The following CCDC148 variants were observed in gnomAD, a reference collection of about 807,000 sequenced individuals.
CCDC148 encodes the protein coiled-coil domain containing 148, also known as coiled-coil domain-containing protein 148.
Under a neutral mutation model 85.7 loss-of-function variants are expected in CCDC148, and 89 were observed. The observed-to-expected ratio is 1.04, with a 90% CI of 0.87 to 1.24. The LOEUF is 1.24. Among genes scored for constraint, CCDC148 ranks in the 50% most tolerant of loss-of-function variants. The pLI is 0.00. For missense variants in CCDC148, 692 were observed against 671.7 expected (o/e 1.03, Z -0.33); for synonymous variants, 230 against 213.9 (o/e 1.08, Z -0.66).
chr2:158,450,538 G>A lies in CCDC148; in HGVS notation c.25+5877C>T, dbSNP rs188415257. On this transcript the variant is annotated intron_variant, in intron 1 of 13. Coordinates refer to ENST00000283233, the MANE Select transcript of CCDC148 (RefSeq NM_138803.4). ...CACTTCCAACATAGGTCCACTTACG[G>A]TAAGTGTCACCTTCATTTTGAAGAA... Among the ~76,000 whole-genome samples, 17 of 152,308 alleles carry A rather than the reference G, an allele frequency of 1.1e-4. No individual in the cohort carries two copies. The East Asian group carries it at 3.1e-3, about 28-fold the overall frequency.
rs369780386 is a variant in CCDC148 at position 158,358,565 on chromosome 2, G to T, written c.31C>A (p.Leu11Met). The change falls in exon 2 of 14, where the codon CTG becomes ATG. Residue 11 changes from leucine to methionine, a missense_variant. Leu to Met is a conservative substitution (Grantham distance 15, BLOSUM62 2). Coordinates refer to ENST00000283233, the MANE Select transcript of CCDC148 (RefSeq NM_138803.4). ...ATCTCATTTTTCATATGGAATACCA[G>T]ATTATCTATTAGTCATAAAAATAGA... The part of the protein sequence containing the change: MCAASASPDN[L>M]VFHMKNEMRN... The T allele has an allele frequency of 1.3e-6, 2 of 1,570,360 alleles. No homozygotes were observed. The highest frequency in any genetic ancestry group is 1.4e-5 in the African/African-American group (1 of 73,174).
intron 10 of CCDC148, among the ~76,000 whole-genome samples, chr2:158,240,528 G>C (rs1210613587): frequency 6.7e-6 from 1 of 148,658 alleles, no homozygotes; most frequent in Non-Finnish European, 1.5e-5. Context: ...TGTTACACAA[G>C]GTTAACAAGG....
chr2:158,446,350 C>CA (rs200274224), intron 1 of CCDC148, among the ~76,000 whole-genome samples: 60,880 of 146,024 alleles, frequency 0.42, 13,056 homozygotes, highest in Middle Eastern at 0.51. Context: ...GAACTTGTCT[C>CA]AAAAAAAAAA....
chr2:158,209,334 T>C (rs1686429330), intron 11 of CCDC148, among the ~76,000 whole-genome samples: 1 of 152,164 alleles, frequency 6.6e-6, no homozygotes, highest in Non-Finnish European at 1.5e-5. Flanking sequence ...TTATAAAATC[T>C]TTGCAAAGTT....
chr2:158,284,421 GA>G (rs1227149639), intron 9 of CCDC148, among the ~76,000 whole-genome samples: 1 of 152,108 alleles, frequency 6.6e-6, no homozygotes, highest in African/African-American at 2.4e-5. Context: ...GGTGAGGAAC[GA>G]ATGTGACAAG....
chr2:158,210,547 A>T (rs757142895), intron 11 of CCDC148, among the ~76,000 whole-genome samples: 27 of 152,114 alleles, frequency 1.8e-4, no homozygotes, highest in Admixed American at 6.6e-4. Flanking sequence ...TCTAAAATTG[A>T]CTACAGAGCT....
At chr2:158,320,395 A>T (rs1051229517) in intron 7 of CCDC148, among the ~76,000 whole-genome samples, 1 of 152,160 alleles carries the variant, frequency 6.6e-6, no homozygotes, top group Non-Finnish European at 1.5e-5. Context: ...TTATTCTTAC[A>T]TTACTTGTTC....
At chr2:158,256,309 G>A (rs1169481309) in intron 9 of CCDC148, among the ~76,000 whole-genome samples, 2 of 151,642 alleles carry the variant, frequency 1.3e-5, no homozygotes, top group Admixed American at 6.6e-5. Flanking sequence ...GTTCTTTCAT[G>A]TGTTAAAGGG....
In CCDC148 at chr2:158,212,466, G is replaced by C. The variant is rs557427913; in HGVS notation, c.1370+8129C>G. 3.9e-5 allele frequency among the ~76,000 whole-genome samples: 6 copies of C among 152,204 alleles called. No individual in the cohort carries two copies. The South Asian group carries it at 1.2e-3, about 32-fold the overall frequency. On this transcript the variant is annotated intron_variant, in intron 11 of 13. Transcript: ENST00000283233. ...AAAATAGAGAGAAACATCTGGCTTT[G>C]TTACTTAGAAAATGCAATAACTGTC... is the stretch of plus-strand genomic sequence containing the variant.
chr2:158,173,677 G>A (rs1453034328), intron 13 of CCDC148, among the ~76,000 whole-genome samples: 3 of 151,980 alleles, frequency 2.0e-5, no homozygotes, highest in Non-Finnish European at 4.4e-5. Flanking sequence ...CGATGAGTAT[G>A]AAGTCAAGAA....
intron 8 of CCDC148, 79 bp from the exon 9 acceptor site, chr2:158,309,718 A>C: frequency 9.8e-7 from 1 of 1,018,648 alleles, no homozygotes. Flanking sequence ...AAAAATGAAA[A>C]GAAAATGAAT....
rs139217816 is a variant in CCDC148 at position 158,424,860 on chromosome 2, A to T, written c.25+31555T>A. On this transcript the variant is annotated intron_variant, in intron 1 of 13. Coordinates refer to ENST00000283233, the MANE Select transcript of CCDC148 (RefSeq NM_138803.4). ...AATTCCCATGGATACAAAAACAAATAAAAGAAGATTTTGTTTTCTCACATA... is the reference window on the plus strand; with the variant it reads ...AATTCCCATGGATACAAAAACAAATTAAAGAAGATTTTGTTTTCTCACATA... 4.0e-3 allele frequency: 756 copies of T among 190,944 alleles called. 4 individuals are homozygous for T. The highest frequency in any genetic ancestry group is 0.017 in the African/African-American group (716 of 42,384). The allele number at this position is 190,944 out of a possible 1,614,324, so 11.8% of individuals were successfully genotyped here. A position where few individuals can be genotyped will look rare whatever the true frequency, so the allele number is the denominator to read the frequency against.
In CCDC148 at chr2:158,214,769, A is replaced by G. The variant is rs1255209406; in HGVS notation, c.1370+5826T>C. ...GCTTCTTGGTCACCAATTTCTACCT[A>G]TTTCAAAAATAATTTCTGTCCTCCC... On this transcript the variant is annotated intron_variant, in intron 11 of 13. Transcript: ENST00000283233. 7.2e-5 allele frequency among the ~76,000 whole-genome samples: 11 copies of G among 151,990 alleles called. No homozygotes were observed. In the East Asian group the frequency reaches 2.1e-3, roughly 29 times the overall value.
chr2:158,409,000 C>T (rs1022008987), intron 1 of CCDC148, among the ~76,000 whole-genome samples: 16 of 151,952 alleles, frequency 1.1e-4, no homozygotes, highest in African/African-American at 3.4e-4. Flanking sequence ...TTCAGATTTT[C>T]GCCCATTTTT....
At chr2:158,442,593 A>C (rs1444490385) in intron 1 of CCDC148, among the ~76,000 whole-genome samples, 2 of 152,228 alleles carry the variant, frequency 1.3e-5, no homozygotes, top group East Asian at 1.9e-4. Flanking sequence ...TTTGCATCCC[A>C]GGATGATAGC....
rs559871641 is a variant in CCDC148 at position 158,264,804 on chromosome 2, G to A, written c.1111-13892C>T. Among the ~76,000 whole-genome samples the A allele has an allele frequency of 5.9e-5, 9 of 152,166 alleles. No homozygotes were observed. In the East Asian group the frequency reaches 7.7e-4, roughly 13 times the overall value. ...GGATGCTATACTGATATTACAATACGTTCGTGGAAATGGGAAATCTTATTC... is the reference window on the plus strand; with the variant it reads ...GGATGCTATACTGATATTACAATACATTCGTGGAAATGGGAAATCTTATTC... On this transcript the variant is annotated intron_variant, in intron 9 of 13. Transcript: ENST00000283233.
At chr2:158,328,512 C>A (rs6724391) in intron 7 of CCDC148, among the ~76,000 whole-genome samples, 55,053 of 151,810 alleles carry the variant, frequency 0.36, 11,570 homozygotes, top group South Asian at 0.61. Flanking sequence ...GATTTATAAT[C>A]CTTTGGGTAT....
chr2:158,218,506 G>A (rs1400133111), intron 11 of CCDC148, among the ~76,000 whole-genome samples: 1 of 152,094 alleles, frequency 6.6e-6, no homozygotes, highest in African/African-American at 2.4e-5. Context: ...TAATTATTGG[G>A]ACAGGAAGCA....
At chr2:158,175,756 A>G (rs1279067077) in intron 13 of CCDC148, among the ~76,000 whole-genome samples, 1 of 152,204 alleles carries the variant, frequency 6.6e-6, no homozygotes, top group East Asian at 1.9e-4. Context: ...GGATGAATGG[A>G]TGGTTTCCTG....
Sources: gnomAD v4.1 joint callset for allele counts (sites outside exome capture counted in the v4.1 genomes callset) on GRCh38, gnomAD v4.1.1 for gene constraint, MANE v1.5 for transcripts, NCBI Gene and HGNC (gene_info 2026-07-23, HGNC 2026-07-21) for gene names.